The following PCDHGA4 variants were observed in gnomAD, a reference collection of about 807,000 sequenced individuals.
The protein encoded by PCDHGA4 is protocadherin gamma-A4.
PCDHGA4 carries 38 observed loss-of-function variants against 54.6 expected under a neutral mutation model. The ratio of observed to expected loss-of-function variants is 0.70; its 90% CI spans 0.54 to 0.91. PCDHGA4 has a LOEUF of 0.91. Ranked by LOEUF, PCDHGA4 falls within the 40% of genes least tolerant of loss-of-function variation. The pLI is 0.00. For synonymous variants in PCDHGA4, 511 were observed against 512.9 expected, an observed-to-expected ratio of 1.00 and a Z score of 0.05; for missense variants, 1,298 against 1,220.9, an observed-to-expected ratio of 1.06 and a Z score of -0.94.
At chr5:141,416,846 A>G (rs1412860680) in intron 1 of PCDHGA4, 2 of 152,120 alleles carry the variant, frequency 1.3e-5, no homozygotes, top group Non-Finnish European at 2.9e-5. Flanking sequence ...TTATAATTCC[A>G]TGATTTTTTT....
At chr5:141,499,707 T>G (rs1303008532) in intron 2 of PCDHGA4, among the ~76,000 whole-genome samples, 2 of 150,494 alleles carry the variant, frequency 1.3e-5, no homozygotes, top group African/African-American at 2.5e-5. Flanking sequence ...TTTTTTTTTT[T>G]TTTTGGAGAC....
At chr5:141,404,647 T>C (rs764645495) in intron 1 of PCDHGA4, 20 of 1,614,190 alleles carry the variant, frequency 1.2e-5, no homozygotes, top group Admixed American at 1.7e-5. Context: ...TCCTGTACCC[T>C]GCCCTCCCCA....
Position 141,489,601 on chromosome 5 carries a change from G to A in PCDHGA4, c.2515-5206G>A. On this transcript the variant is annotated intron_variant, in intron 1 of 3. Transcript: ENST00000571252. This position sits in a 1 kb window ranked among gnomAD's most constrained non-coding sequence, Gnocchi z 4.5. ...CCCCCTGGAGCTAATCCGTGTAGAG[G>A]TAGAGATCCTGGATCTCAATGACAA... 2 of 1,614,042 alleles carry A rather than the reference G, an allele frequency of 1.2e-6. No individual in the cohort carries two copies. Among genetic ancestry groups the A allele is most frequent in the East Asian group, 4.5e-5 (2 of 44,882 alleles).
At chr5:141,415,304 C>T (rs1468756434) in intron 1 of PCDHGA4, 2 of 1,614,188 alleles carry the variant, frequency 1.2e-6, no homozygotes, top group Non-Finnish European at 8.5e-7. Context: ...GTCTTCCTGG[C>T]CTTCGTCATC....
At chr5:141,415,095 C>A (rs1045755927) in intron 1 of PCDHGA4, 2 of 1,613,466 alleles carry the variant, frequency 1.2e-6, no homozygotes, top group East Asian at 2.2e-5. Flanking sequence ...TGGACAGAGA[C>A]GCGCTCAAGC....
In PCDHGA4 at chr5:141,450,826, A is replaced by AT. The variant is rs764729742; in HGVS notation, c.2515-43979dup. On this transcript the variant is annotated intron_variant, in intron 1 of 3. Coordinates refer to ENST00000571252, the MANE Select transcript of PCDHGA4 (RefSeq NM_018917.4). ...TATTTATTTATTTAATATTATTATT[A>AT]TTATTTTTTTTTTTTTGAGATGGGG... Among the ~76,000 whole-genome samples, 613 of 134,334 alleles carry AT rather than the reference A, an allele frequency of 4.6e-3. 5 individuals are homozygous for AT. Among genetic ancestry groups the AT allele is most frequent in the African/African-American group, 9.0e-3 (309 of 34,288 alleles). 88.1% of individuals were successfully genotyped at this position (134,334 alleles called of 152,430 possible).
rs563876979 is a variant in PCDHGA4, at chr5:141,417,900, G to A, written c.2514+60279G>A. 5 of 1,583,452 alleles carry A rather than the reference G, an allele frequency of 3.2e-6. No individual in the cohort carries two copies. Among genetic ancestry groups the A allele is most frequent in the South Asian group, 2.3e-5 (2 of 88,062 alleles). On this transcript the variant is annotated intron_variant, in intron 1 of 3. Coordinates refer to ENST00000571252, the MANE Select transcript of PCDHGA4 (RefSeq NM_018917.4). ...GCGCAGAGGCGCCGGGCCGGCCCGC[G>A]GCAGGTACTATTTCCTTTGCTGCTG...
rs748395200 is a variant in PCDHGA4, at chr5:141,374,991, CT to C, written c.2514+17372del. On this transcript the variant is annotated intron_variant, in intron 1 of 3. Transcript: ENST00000571252. Reference sequence around the variant, plus strand: ...AATGTTTTGACTGGAGAAATTTCAACTTCTGCAAATCTAGACTATGAGGACT... The same window carrying C: ...AATGTTTTGACTGGAGAAATTTCAACTCTGCAAATCTAGACTATGAGGACT... The C allele has an allele frequency of 5.6e-6, 9 of 1,613,918 alleles. No individual in the cohort carries two copies. In the East Asian group the frequency reaches 2.0e-4, roughly 36 times the overall value.
chr5:141,393,056 C>T, intron 1 of PCDHGA4: 2 of 1,613,606 alleles, frequency 1.2e-6, no homozygotes, highest in Non-Finnish European at 1.7e-6. Flanking sequence ...ACCCGCGCAG[C>T]GGCAGCTTGA....
At chr5:141,399,435 A>G (rs568070353) in intron 1 of PCDHGA4, 20 of 1,613,972 alleles carry the variant, frequency 1.2e-5, no homozygotes, top group African/African-American at 9.3e-5. Context: ...GCGTCATCCT[A>G]CATATCAGAG....
Position 141,432,488 on chromosome 5 carries a change from C to G in PCDHGA4, c.2515-62319C>G. 6.2e-7 allele frequency: 1 copy of G among 1,614,202 alleles called. No homozygotes were observed. Among genetic ancestry groups the G allele is most frequent in the Non-Finnish European group, 8.5e-7 (1 of 1,180,048 alleles). On this transcript the variant is annotated intron_variant, in intron 1 of 3. Coordinates refer to ENST00000571252, the MANE Select transcript of PCDHGA4 (RefSeq NM_018917.4). This position sits in a 1 kb window ranked among gnomAD's most constrained non-coding sequence, Gnocchi z 6.0. ...CACGGACGGTTCCACTGGCGTGGAGCTGGCTCCCCGCTCCGCAGAGCCCGG... is the reference window on the plus strand; with the variant it reads ...CACGGACGGTTCCACTGGCGTGGAGGTGGCTCCCCGCTCCGCAGAGCCCGG...
chr5:141,424,246 A>G (rs971050268), intron 1 of PCDHGA4: 2 of 154,772 alleles, frequency 1.3e-5, no homozygotes, highest in African/African-American at 4.8e-5. Context: ...GTGGCTGGTA[A>G]TATGCTTAGA....
intron 1 of PCDHGA4, chr5:141,365,043 A>AT (rs1763697788): frequency 1.2e-6 from 2 of 1,613,696 alleles, no homozygotes; most frequent in African/African-American, 2.7e-5. Context: ...GCAAACGACA[A>AT]TGCGCCCCTG....
At chr5:141,419,259 C>T (rs765877993) in intron 1 of PCDHGA4, 2 of 1,613,900 alleles carry the variant, frequency 1.2e-6, no homozygotes, top group South Asian at 2.2e-5. Flanking sequence ...AACAACCAGC[C>T]GGGTGCCTCC....
Position 141,376,584 on chromosome 5 carries a change from T to C in PCDHGA4, c.2514+18963T>C, listed in dbSNP as rs770132968. On this transcript the variant is annotated intron_variant, in intron 1 of 3. Coordinates refer to ENST00000571252, the MANE Select transcript of PCDHGA4 (RefSeq NM_018917.4). Reference sequence around the variant, plus strand: ...CAACTAATCAGACAGGCTCATCAGCTAGATCGGCTGTTATAGAAGCGAACC... The same window carrying C: ...CAACTAATCAGACAGGCTCATCAGCCAGATCGGCTGTTATAGAAGCGAACC... 12 of 1,584,754 alleles carry C rather than the reference T, an allele frequency of 7.6e-6. No individual in the cohort carries two copies. In the East Asian group the frequency reaches 2.2e-4, roughly 30 times the overall value.
At chr5:141,374,748 G>A (rs372161900) in intron 1 of PCDHGA4, 115 of 1,611,770 alleles carry the variant, frequency 7.1e-5, no homozygotes, top group Non-Finnish European at 8.7e-5. Flanking sequence ...GACCCTGTCC[G>A]CTCAAGCGTC....
At chr5:141,444,880 G>C (rs527554886) in intron 1 of PCDHGA4, among the ~76,000 whole-genome samples, 5 of 152,268 alleles carry the variant, frequency 3.3e-5, no homozygotes, top group Admixed American at 1.3e-4. Flanking sequence ...AAGCTTGTAG[G>C]ATTTTTGAAT....
In PCDHGA4 at chr5:141,490,803, C is replaced by A; in HGVS notation, c.2515-4004C>A. The A allele has an allele frequency of 6.2e-7, 1 of 1,613,956 alleles. No homozygotes were observed. Among genetic ancestry groups the A allele is most frequent in the South Asian group, 1.1e-5 (1 of 91,080 alleles). On this transcript the variant is annotated intron_variant, in intron 1 of 3. Transcript: ENST00000571252. The surrounding 1 kb of genome is among the most constrained non-coding windows in gnomAD (Gnocchi z 5.4). ...ATGGACGGATCTTTGCCCAGCGTAC[C>A]TTTGACTATGAATTGCTGCAGATGC...
chr5:141,404,392 T>A, intron 1 of PCDHGA4: 1 of 1,613,938 alleles, frequency 6.2e-7, no homozygotes, highest in Non-Finnish European at 8.5e-7. Context: ...ATGACCCTGA[T>A]AGCAATGAGA....
Sources: gnomAD v4.1 joint callset for allele counts (sites outside exome capture counted in the v4.1 genomes callset) on GRCh38, gnomAD v4.1.1 for gene constraint, Gnocchi (gnomAD v3.1) non-coding constraint, MANE v1.5 for transcripts, NCBI Gene and HGNC (gene_info 2026-07-23, HGNC 2026-07-21) for gene names.